GRM3: variants seen among roughly 807,000 people sequenced by gnomAD.
The protein encoded by GRM3 is metabotropic glutamate receptor 3.
In GRM3, 26 loss-of-function variants were observed where a neutral mutation model predicts 70.5. That is an observed-to-expected ratio of 0.37 (90% CI 0.27 to 0.51). The LOEUF (loss-of-function observed/expected upper bound fraction) is 0.51. Among genes scored for constraint, GRM3 ranks in the 20% least tolerant of loss-of-function variants. The pLI is 0.93. For synonymous variants in GRM3, 443 were observed against 434.9 expected (o/e 1.02, Z -0.23); for missense variants, 859 against 1,123.8 (o/e 0.76, Z 3.37).
At chr7:86,810,270 T>C (rs959346057) in intron 3 of GRM3, among the ~76,000 whole-genome samples, 10 of 151,936 alleles carry the variant, frequency 6.6e-5, no homozygotes, top group African/African-American at 1.9e-4. Flanking sequence ...AGAAAGAAAA[T>C]ACTGAAATCC....
chr7:86,771,694 C>T (rs1447928953), intron 2 of GRM3, among the ~76,000 whole-genome samples: 1 of 152,016 alleles, frequency 6.6e-6, no homozygotes, highest in East Asian at 1.9e-4. Flanking sequence ...AATATCAAGA[C>T]CATACATAAA....
intron 3 of GRM3, among the ~76,000 whole-genome samples, chr7:86,823,857 A>G (rs562563978): frequency 6.6e-6 from 1 of 152,168 alleles, no homozygotes; most frequent in African/African-American, 2.4e-5. Flanking sequence ...GTTTCCCACA[A>G]TCTGTGACTA....
chr7:86,747,051 G>A (rs530468841), intron 1 of GRM3, among the ~76,000 whole-genome samples: 14 of 152,182 alleles, frequency 9.2e-5, no homozygotes, highest in African/African-American at 3.1e-4. Flanking sequence ...GCTATTCACT[G>A]CTCTAAGCAC....
At chr7:86,672,728 T>G (rs1444362006) in intron 1 of GRM3, among the ~76,000 whole-genome samples, 1 of 152,210 alleles carries the variant, frequency 6.6e-6, no homozygotes, top group African/African-American at 2.4e-5. Context: ...TGTCTTGTTC[T>G]GCCAGCTCCA....
chr7:86,685,886 A>G (rs1266618435), intron 1 of GRM3, among the ~76,000 whole-genome samples: 1 of 149,604 alleles, frequency 6.7e-6, no homozygotes. Context: ...AGCCTGGGCA[A>G]CAGAGAAAGA....
rs1345518216 is a variant in GRM3 at position 86,644,865 on chromosome 7, G to A, written c.-148G>A. On this transcript the variant is annotated 5_prime_UTR_variant, in exon 1 of 6. Transcript: ENST00000361669. ...GCTCCAGTTCCTGCCAGGAGTTGTC[G>A]GTGCGAGGTAAGGGTCCCAGAGGAG... is the stretch of plus-strand genomic sequence containing the variant. The A allele has an allele frequency of 3.1e-6, 4 of 1,288,460 alleles. No homozygotes were observed. Among genetic ancestry groups the A allele is most frequent in the Non-Finnish European group, 4.0e-6 (4 of 987,824 alleles). 79.8% of individuals were successfully genotyped at this position (1,288,460 alleles called of 1,614,324 possible).
intron 2 of GRM3, among the ~76,000 whole-genome samples, chr7:86,776,642 A>G (rs576896435): frequency 1.3e-4 from 20 of 152,304 alleles, no homozygotes; most frequent in African/African-American, 4.8e-4. Flanking sequence ...TGATAAGGCC[A>G]TATTTCTCAT....
At chr7:86,722,709 C>T (rs1458479812) in intron 1 of GRM3, among the ~76,000 whole-genome samples, 1 of 151,924 alleles carries the variant, frequency 6.6e-6, no homozygotes, top group Non-Finnish European at 1.5e-5. Context: ...ACCTATGTAA[C>T]CTGCACGTTC....
intron 1 of GRM3, among the ~76,000 whole-genome samples, chr7:86,763,554 TC>T (rs1423615869): frequency 6.6e-6 from 1 of 152,082 alleles, no homozygotes; most frequent in Admixed American, 6.6e-5. Context: ...CAGACTACTG[TC>T]CAAAACATGA....
intron 2 of GRM3, among the ~76,000 whole-genome samples, chr7:86,773,047 A>T (rs1475121659): frequency 6.6e-6 from 1 of 151,878 alleles, no homozygotes; most frequent in South Asian, 2.1e-4. Flanking sequence ...GGTTTGTTAC[A>T]TAGGTATATT....
chr7:86,726,496 G>C (rs1034355311), intron 1 of GRM3, among the ~76,000 whole-genome samples: 1 of 152,102 alleles, frequency 6.6e-6, no homozygotes, highest in Non-Finnish European at 1.5e-5. Flanking sequence ...CATGAATTCA[G>C]TTCAATTCTT....
At chr7:86,797,825 A>G (rs960507062) in intron 3 of GRM3, among the ~76,000 whole-genome samples, 1 of 152,116 alleles carries the variant, frequency 6.6e-6, no homozygotes, top group African/African-American at 2.4e-5. Context: ...CTAGGAGATA[A>G]AAAATGATTT....
chr7:86,853,185 A>G (rs1173700007), intron 5 of GRM3, among the ~76,000 whole-genome samples: 3 of 152,204 alleles, frequency 2.0e-5, no homozygotes, highest in Non-Finnish European at 4.4e-5. Context: ...TTAAAAGAAA[A>G]AAACAGAAAA....
chr7:86,756,331 G>T (rs1382409141), intron 1 of GRM3, among the ~76,000 whole-genome samples: 1 of 152,024 alleles, frequency 6.6e-6, no homozygotes. Flanking sequence ...CACCCACCTT[G>T]GCCTCCCAAA....
intron 1 of GRM3, among the ~76,000 whole-genome samples, chr7:86,653,419 C>T (rs1368906629): frequency 1.3e-5 from 2 of 152,202 alleles, no homozygotes; most frequent in African/African-American, 4.8e-5. Flanking sequence ...CTTTCCACAG[C>T]AAGTTCATTC....
intron 3 of GRM3, among the ~76,000 whole-genome samples, chr7:86,823,622 T>G (rs1798172439): frequency 1.9e-5 from 2 of 107,428 alleles, no homozygotes; most frequent in East Asian, 3.1e-4. Context: ...GGGGGATTAG[T>G]GCATGCTGGG....
intron 1 of GRM3, among the ~76,000 whole-genome samples, chr7:86,733,950 G>A (rs200234702): frequency 6.6e-6 from 1 of 152,216 alleles, no homozygotes; most frequent in Non-Finnish European, 1.5e-5. Flanking sequence ...GCGGAGCTGT[G>A]TGCCTGCACT....
At chr7:86,778,762 G>C (rs902507227) in intron 2 of GRM3, among the ~76,000 whole-genome samples, 1 of 152,030 alleles carries the variant, frequency 6.6e-6, no homozygotes, top group Non-Finnish European at 1.5e-5. Flanking sequence ...ATAAAAAGCC[G>C]TATACTAAAA....
In GRM3 at chr7:86,667,316, G is replaced by A. The variant is rs996085689; in HGVS notation, c.-141+22444G>A. On this transcript the variant is annotated intron_variant, in intron 1 of 5. Transcript: ENST00000361669. ...AGCAGAGAGAAGGGAAATACCTGTG[G>A]CTTAAGATATATAATATTATGTATT... Among the ~76,000 whole-genome samples, 12 of 152,146 alleles carry A rather than the reference G, an allele frequency of 7.9e-5. No homozygotes were observed. The East Asian group carries it at 2.3e-3, about 29-fold the overall frequency.
Sources: allele counts gnomAD v4.1 joint callset (sites outside exome capture counted in the v4.1 genomes callset), GRCh38; gene constraint gnomAD v4.1.1; transcripts MANE v1.5; gene names NCBI Gene and HGNC (gene_info 2026-07-23, HGNC 2026-07-21).